RP1: variants seen among roughly 807,000 people sequenced by gnomAD.
RP1 encodes the protein RP1 axonemal microtubule associated.
Under a neutral mutation model 14.8 loss-of-function variants are expected in RP1, and 16 were observed. The observed-to-expected ratio is 1.08, with a 90% CI of 0.73 to 1.65. The LOEUF is 1.65. Among genes scored for constraint, RP1 ranks in the 40% most tolerant of loss-of-function variants. The pLI, the probability that RP1 is intolerant of heterozygous loss-of-function variation, is 0.00. For missense variants in RP1, 2,631 were observed against 2,535.0 expected, an observed-to-expected ratio of 1.04 and a Z score of -0.81; for synonymous variants, 876 against 883.6, an observed-to-expected ratio of 0.99 and a Z score of 0.15.
chr8:54,820,845 C>T (rs898212537), intron 24 of RP1, among the ~76,000 whole-genome samples: 17 of 152,156 alleles, frequency 1.1e-4, no homozygotes, highest in Non-Finnish European at 1.5e-5. Context: ...TCTTTCTCCA[C>T]CTCCTTCCCA....
exon 25 of RP1, chr8:54,837,611 T>C (rs996889161): frequency 1.6e-6 from 2 of 1,231,918 alleles, no homozygotes; most frequent in African/African-American, 1.6e-5. Flanking sequence ...AGAATGAAAA[T>C]GATGGCGATC....
At chr8:54,801,915 T>G (rs532849377) in intron 24 of RP1, among the ~76,000 whole-genome samples, 1 of 152,182 alleles carries the variant, frequency 6.6e-6, no homozygotes, top group Non-Finnish European at 1.5e-5. Context: ...TTTTTCTAGG[T>G]TTTTCTTTGT....
At chr8:54,663,845 G>A in exon 7 of RP1, 1 of 1,519,850 alleles carries the variant, frequency 6.6e-7, no homozygotes, top group Non-Finnish European at 8.8e-7. Context: ...TTTTTTAAGA[G>A]GACAAGTAAG....
At chr8:54,653,515 A>G (rs1302939718) in intron 5 of RP1, among the ~76,000 whole-genome samples, 2 of 152,186 alleles carry the variant, frequency 1.3e-5, no homozygotes, top group African/African-American at 2.4e-5. Context: ...CATATTCCTG[A>G]TATTTTCGGC....
intron 15 of RP1, among the ~76,000 whole-genome samples, chr8:54,714,363 C>T (rs967672132): frequency 1.3e-5 from 2 of 152,160 alleles, no homozygotes; most frequent in African/African-American, 4.8e-5. Context: ...AGTCATGCAG[C>T]CAGACTCCAG....
intron 15 of RP1, among the ~76,000 whole-genome samples, chr8:54,712,576 C>T (rs541350970): frequency 1.3e-5 from 2 of 152,188 alleles, no homozygotes; most frequent in South Asian, 2.1e-4. Flanking sequence ...TGGTGTCTGC[C>T]ACTCAGAAAA....
chr8:54,743,228 A>AAT (rs960310796), intron 19 of RP1, among the ~76,000 whole-genome samples: 3 of 152,112 alleles, frequency 2.0e-5, no homozygotes, highest in East Asian at 1.9e-4. Context: ...TCCCTGTTAA[A>AAT]ATATATATAT....
At chr8:54,781,082 T>A in intron 23 of RP1, 1 of 981,632 alleles carries the variant, frequency 1.0e-6, no homozygotes, top group East Asian at 1.1e-4. Flanking sequence ...GGCTGTGGTT[T>A]CCAAGAAAAT....
intron 23 of RP1, among the ~76,000 whole-genome samples, chr8:54,779,850 T>C (rs1810138961): frequency 6.6e-6 from 1 of 152,198 alleles, no homozygotes; most frequent in African/African-American, 2.4e-5. Context: ...TATTTATAAG[T>C]AAAAAGATAA....
intron 17 of RP1, among the ~76,000 whole-genome samples, chr8:54,727,432 T>C (rs1458169157): frequency 6.6e-6 from 1 of 152,108 alleles, no homozygotes; most frequent in Non-Finnish European, 1.5e-5. Flanking sequence ...AAAATTTGAA[T>C]TGGTTGAAAA....
intron 1 of RP1, among the ~76,000 whole-genome samples, chr8:54,579,010 T>A (rs964782712): frequency 2.0e-5 from 3 of 152,232 alleles, no homozygotes; most frequent in African/African-American, 7.2e-5. Flanking sequence ...TCTATTTTTT[T>A]AGTTACCTTC....
chr8:54,797,578 C>T (rs899946948), intron 24 of RP1, among the ~76,000 whole-genome samples: 5 of 151,636 alleles, frequency 3.3e-5, no homozygotes, highest in African/African-American at 9.7e-5. Flanking sequence ...CTACCAGCTA[C>T]CTCAGTCCAC....
intron 27 of RP1, among the ~76,000 whole-genome samples, chr8:54,859,799 C>T (rs935574530): frequency 2.6e-5 from 4 of 152,092 alleles, no homozygotes; most frequent in Non-Finnish European, 5.9e-5. Flanking sequence ...TGCTTTTGCC[C>T]CAAGCCTCCC....
At chr8:54,643,137 T>A (rs1290850795) in intron 3 of RP1, among the ~76,000 whole-genome samples, 1 of 152,204 alleles carries the variant, frequency 6.6e-6, no homozygotes, top group Non-Finnish European at 1.5e-5. Flanking sequence ...TGTGTGGCAG[T>A]TTAAAACAAT....
At chr8:54,833,691 T>C (rs1235473643) in intron 24 of RP1, among the ~76,000 whole-genome samples, 1 of 152,066 alleles carries the variant, frequency 6.6e-6, no homozygotes, top group Non-Finnish European at 1.5e-5. Context: ...AATATAGACT[T>C]CGTAATGAAA....
At chr8:54,792,073 A>G (rs1810478012) in intron 24 of RP1, among the ~76,000 whole-genome samples, 1 of 152,004 alleles carries the variant, frequency 6.6e-6, no homozygotes, top group South Asian at 2.1e-4. Flanking sequence ...TATCATACAA[A>G]TTGACCTTAA....
intron 25 of RP1, chr8:54,837,761 AC>A: frequency 1.5e-6 from 1 of 658,746 alleles, no homozygotes; most frequent in Non-Finnish European, 2.2e-6. Flanking sequence ...TCTGTAAAGG[AC>A]CAGACAGTAA....
chr8:54,848,542 T>C (rs1224939281), intron 25 of RP1, among the ~76,000 whole-genome samples: 1 of 152,162 alleles, frequency 6.6e-6, no homozygotes, highest in Non-Finnish European at 1.5e-5. Flanking sequence ...GACTCCTGTA[T>C]CATCACAGAA....
chr8:54,804,600 AG>A (rs1810801261), intron 24 of RP1, among the ~76,000 whole-genome samples: 2 of 152,178 alleles, frequency 1.3e-5, no homozygotes, highest in Non-Finnish European at 2.9e-5. Context: ...CAGTAAGAAA[AG>A]CAAGGGTTAC....
Sources: gnomAD v4.1 joint callset for allele counts (sites outside exome capture counted in the v4.1 genomes callset) on GRCh38, gnomAD v4.1.1 for gene constraint, MANE v1.5 for transcripts, NCBI Gene and HGNC (gene_info 2026-07-23, HGNC 2026-07-21) for gene names.